Variants in MTRF1L observed in about 807,000 individuals in gnomAD.
MTRF1L encodes peptide chain release factor 1-like, mitochondrial.
A neutral mutation model predicts 40.0 loss-of-function variants in MTRF1L; 29 were observed. That is an observed-to-expected ratio of 0.73 (90% confidence interval 0.54 to 0.99). The LOEUF (loss-of-function observed/expected upper bound fraction) is 0.99, where lower values mean the gene tolerates loss of function less well. Among genes scored for constraint, MTRF1L ranks in the 50% least tolerant of loss-of-function variants. MTRF1L has a pLI of 0.00. For missense variants in MTRF1L, 412 were observed against 464.5 expected, an observed-to-expected ratio of 0.89 and a Z score of 1.04; for synonymous variants, 150 against 175.8, an observed-to-expected ratio of 0.85 and a Z score of 1.16.
At chr6:153,000,484 G>C (rs1227246782) in intron 1 of MTRF1L, among the ~76,000 whole-genome samples, 1 of 152,058 alleles carries the variant, frequency 6.6e-6, no homozygotes, top group African/African-American at 2.4e-5. Context: ...CACAGGCAAT[G>C]GTAATATACT....
At chr6:152,993,151 G>A (rs1311413230) in intron 4 of MTRF1L, among the ~76,000 whole-genome samples, 177 bp from the exon 5 acceptor site, 1 of 152,150 alleles carries the variant, frequency 6.6e-6, no homozygotes, top group Non-Finnish European at 1.5e-5. Flanking sequence ...CTTTTTGGAA[G>A]AGTAGGGAAT....
At position 152,992,892 on chromosome 6, in the gene MTRF1L, G is replaced by A. The variant is rs1360161707; in HGVS notation, c.770C>T (p.Thr257Met). ...SGAGGQHVNT[T>M]DSAVRIVHLP... ...ATGAACTATCCGGACAGCACTGTCCGTGGTATTTACATGCTGCCCCCCAGC... is the reference window on the plus strand; with the variant it reads ...ATGAACTATCCGGACAGCACTGTCCATGGTATTTACATGCTGCCCCCCAGC... Residue 257 changes from threonine to methionine, a missense_variant, in exon 5 of 7, where the codon ACG (threonine) becomes ATG (methionine). Coordinates refer to ENST00000367233, the MANE Select transcript of MTRF1L (RefSeq NM_019041.7). The A allele has an allele frequency of 8.7e-6, 14 of 1,612,092 alleles. No individual in the cohort carries two copies. Among genetic ancestry groups the A allele is most frequent in the East Asian group, 2.2e-5 (1 of 44,864 alleles).
intron 1 of MTRF1L, among the ~76,000 whole-genome samples, chr6:152,999,477 A>G (rs1486520130): frequency 3.3e-5 from 5 of 152,194 alleles, no homozygotes; most frequent in Admixed American, 2.6e-4. Flanking sequence ...ATATTTTTCT[A>G]GAAGAGAAAA....
Position 152,994,368 on chromosome 6 carries a change from T to G in MTRF1L, c.687+145A>C, listed in dbSNP as rs1035868324. On this transcript the variant is annotated intron_variant, in intron 4 of 6. Coordinates refer to ENST00000367233, the MANE Select transcript of MTRF1L (RefSeq NM_019041.7). ...TTAATTTTTTAGCATTATAAAATTA[T>G]ATTTTTTAGACTGAGATAATATGCA... The G allele has an allele frequency of 5.0e-6, 4 of 793,184 alleles. No homozygotes were observed. The African/African-American group carries it at 7.1e-5, about 14-fold the overall frequency. 49.1% of individuals were successfully genotyped at this position (793,184 alleles called of 1,614,324 possible). A position where few individuals can be genotyped will look rare whatever the true frequency, so the allele number is the denominator to read the frequency against.
At chr6:152,992,824 T>C (rs1395199550) in intron 5 of MTRF1L, 33 bp downstream of exon 5, 17 of 1,504,038 alleles carry the variant, frequency 1.1e-5, no homozygotes, top group African/African-American at 1.4e-5. Flanking sequence ...ATTGATTTCT[T>C]TGGTGTCATA....
At chr6:152,994,732 T>C (rs1778654015) in intron 3 of MTRF1L, 56 bp from the exon 4 acceptor site, 20 of 1,594,936 alleles carry the variant, frequency 1.3e-5, no homozygotes, top group South Asian at 4.4e-5. Context: ...TTATAAATAA[T>C]TGACCATCAC....
At position 152,990,030 on chromosome 6, in the gene MTRF1L, A is replaced by T. The variant is rs767980441; in HGVS notation, c.1008T>A (p.Asp336Glu). 4 of 1,613,726 alleles carry T rather than the reference A, an allele frequency of 2.5e-6. No homozygotes were observed. The African/African-American group carries it at 4.0e-5, about 16-fold the overall frequency. Residue 336 changes from aspartate to glutamate, a missense_variant, in exon 7 of 7, where the codon GAT (aspartate) becomes GAA (glutamate). Asp to Glu is a conservative substitution (Grantham distance 45, BLOSUM62 2). Coordinates refer to ENST00000367233, the MANE Select transcript of MTRF1L (RefSeq NM_019041.7). Reference protein sequence around the residue: ...TYNFPQNRVTDHRINKTLHDL... With the variant: ...TYNFPQNRVTEHRINKTLHDL... ...CATGCAGCGTCTTGTTTATTCTGTG[A>T]TCTGTGACCCGGTTCTGTGGAAAAT...
At chr6:152,992,216 C>G (rs1778547239) in intron 5 of MTRF1L, among the ~76,000 whole-genome samples, 1 of 152,208 alleles carries the variant, frequency 6.6e-6, no homozygotes, top group African/African-American at 2.4e-5. Context: ...TGTTTCCTTT[C>G]TAGATAACTG....
At chr6:152,994,910 A>G (rs1778662485) in intron 3 of MTRF1L, 1 of 696,686 alleles carries the variant, frequency 1.4e-6, no homozygotes, top group Non-Finnish European at 2.4e-6. Context: ...ATCTAAGACT[A>G]CTTTTAAAGA....
Position 153,002,352 on chromosome 6 carries a change from A to G in MTRF1L, c.259+75T>C. 4 of 1,604,958 alleles carry G rather than the reference A, an allele frequency of 2.5e-6. No homozygotes were observed. The South Asian group carries it at 4.4e-5, about 18-fold the overall frequency. On this transcript the variant is annotated intron_variant, in intron 1 of 6. Transcript: ENST00000367233. The stretch of plus-strand genomic sequence containing the variant: ...TGAGTAAAGAGTTTCAAACTCGGGT[A>G]GTGTGGGCAGTGGAAAAGTCAAACG...
rs754485470 is a variant in MTRF1L at position 152,995,152 on chromosome 6, A to G, written c.507T>C (p.Tyr169=). The G allele has an allele frequency of 3.7e-6, 6 of 1,603,098 alleles. No homozygotes were observed. The highest frequency in any genetic ancestry group is 5.1e-6 in the Non-Finnish European group (6 of 1,176,138). Residue 169 remains tyrosine, a synonymous_variant, in exon 3 of 7, where the codon TAT becomes TAC. Coordinates refer to ENST00000367233, the MANE Select transcript of MTRF1L (RefSeq NM_019041.7). Reference sequence around the variant, plus strand: ...TTTACTGACCTAGTTCACTTGGAAAATATTCCAGGGTTTCAAAATGCCATC... The same window carrying G: ...TTTACTGACCTAGTTCACTTGGAAAGTATTCCAGGGTTTCAAAATGCCATC... ...FKRWHFETLE[Y]FPSELGGLRH...
At chr6:152,992,772 C>T (rs1778570876) in intron 5 of MTRF1L, 85 bp downstream of exon 5, 5 of 973,276 alleles carry the variant, frequency 5.1e-6, no homozygotes, top group Non-Finnish European at 6.4e-6. Context: ...CTCTGGTAAC[C>T]GAGGATCTAT....
intron 5 of MTRF1L, among the ~76,000 whole-genome samples, chr6:152,992,005 T>C (rs1778541129): frequency 6.7e-6 from 1 of 149,752 alleles, no homozygotes; most frequent in Non-Finnish European, 1.5e-5. Context: ...CCAGAGAAAA[T>C]CACTTAACTT....
chr6:153,002,318 G>T, intron 1 of MTRF1L, 109 bp downstream of exon 1: 1 of 1,517,778 alleles, frequency 6.6e-7, no homozygotes, highest in Non-Finnish European at 9.1e-7. Context: ...AAATAAAAAC[G>T]GCTGCAAGTG....
chr6:152,992,554 C>T (rs1778563546), intron 5 of MTRF1L, among the ~76,000 whole-genome samples: 1 of 152,136 alleles, frequency 6.6e-6, no homozygotes, highest in Non-Finnish European at 1.5e-5. Context: ...ATGATAATTA[C>T]TTCATTGTGA....
intron 1 of MTRF1L, 113 bp downstream of exon 1, chr6:153,002,314 A>C: frequency 1.3e-6 from 2 of 1,508,478 alleles, no homozygotes; most frequent in Non-Finnish European, 1.8e-6. Flanking sequence ...TCCAAAATAA[A>C]AACGGCTGCA....
rs766335720 is a variant in MTRF1L at position 152,994,612 on chromosome 6, T to C, written c.588A>G (p.Glu196=). The change falls in exon 4 of 7, where the codon GAA becomes GAG. Residue 196 remains glutamate (E), a synonymous_variant. Transcript: ENST00000367233. ...GSEAYRHMKF[E]GGVHRVQRVP... is the part of the protein sequence containing the mutation. Reference sequence around the variant, plus strand: ...CTCTTTGTACTCTGTGAACACCTCCTTCAAATTTCATGTGCCTATAGGCTT... The same window carrying C: ...CTCTTTGTACTCTGTGAACACCTCCCTCAAATTTCATGTGCCTATAGGCTT... 1 of 1,614,048 alleles carries C rather than the reference T, an allele frequency of 6.2e-7. No individual in the cohort carries two copies. The highest frequency in any genetic ancestry group is 8.5e-7 in the Non-Finnish European group (1 of 1,180,008).
Position 153,002,413 on chromosome 6 carries a change from G to A in MTRF1L, c.259+14C>T, listed in dbSNP as rs748313728. The A allele has an allele frequency of 7.4e-5, 119 of 1,613,800 alleles. No homozygotes were observed. Among genetic ancestry groups the A allele is most frequent in the Non-Finnish European group, 8.9e-5 (105 of 1,179,866 alleles). ...AATGTGCTCTGACGCCTCTCCCCCG[G>A]GCCCGACCCTTACCGTGCAGCAAGT... On this transcript the variant is annotated intron_variant, in intron 1 of 6. Coordinates refer to ENST00000367233, the MANE Select transcript of MTRF1L (RefSeq NM_019041.7).
At chr6:152,991,083 A>G (rs1363721883) in intron 6 of MTRF1L, 102 bp downstream of exon 6, 3 of 711,308 alleles carry the variant, frequency 4.2e-6, no homozygotes, top group Non-Finnish European at 6.5e-6. Context: ...TGTTTTCAAC[A>G]CAGGTTAAAA....
Sources: gnomAD v4.1 joint callset for allele counts (sites outside exome capture counted in the v4.1 genomes callset) on GRCh38, gnomAD v4.1.1 for gene constraint, MANE v1.5 for transcripts, NCBI Gene and HGNC (gene_info 2026-07-23, HGNC 2026-07-21) for gene names.